The following ARID4B variants were observed in gnomAD, a reference collection of about 807,000 sequenced individuals.
The protein encoded by ARID4B is AT-rich interactive domain-containing protein 4B.
In ARID4B, 26 loss-of-function variants were observed where a neutral mutation model predicts 147.5. The ratio of observed to expected loss-of-function variants is 0.18; its 90% CI spans 0.13 to 0.24. ARID4B has a LOEUF of 0.24. Among genes scored for constraint, ARID4B ranks in the 10% least tolerant of loss-of-function variants. The pLI, the probability that ARID4B is intolerant of heterozygous loss-of-function variation, is 1.00. For synonymous variants in ARID4B, 512 were observed against 507.9 expected, an observed-to-expected ratio of 1.01 and a Z score of -0.11; for missense variants, 1,179 against 1,511.5, an observed-to-expected ratio of 0.78 and a Z score of 3.65.
chr1:235,265,547 A>C (rs968296728), intron 2 of ARID4B, among the ~76,000 whole-genome samples: 2 of 151,832 alleles, frequency 1.3e-5, no homozygotes, highest in African/African-American at 2.4e-5. Context: ...AAAAATACAA[A>C]AATTAGCCAA....
intron 21 of ARID4B, 94 bp from the exon 22 acceptor site, chr1:235,175,493 A>C (rs868028840): frequency 1.9e-6 from 2 of 1,030,640 alleles, no homozygotes; most frequent in Middle Eastern, 2.7e-4. Context: ...ATTTGAATTT[A>C]GTCCTACAGA....
chr1:235,251,031 G>A lies in ARID4B; in HGVS notation c.354+1699C>T, dbSNP rs187479214. Among the ~76,000 whole-genome samples, 121 of 152,172 alleles carry A rather than the reference G, an allele frequency of 8.0e-4. 1 individual carries two copies. Among genetic ancestry groups the A allele is most frequent in the Non-Finnish European group, 7.4e-5 (5 of 68,008 alleles). On this transcript the variant is annotated intron_variant, in intron 6 of 23. Coordinates refer to ENST00000264183, the MANE Select transcript of ARID4B (RefSeq NM_016374.6). ...ATTCCACGAACTCAGGGAGAATTCTGTACTTTATCACTATACTTGCCCCAA... is the reference window on the plus strand; with the variant it reads ...ATTCCACGAACTCAGGGAGAATTCTATACTTTATCACTATACTTGCCCCAA...
intron 7 of ARID4B, among the ~76,000 whole-genome samples, chr1:235,244,121 T>C (rs1669154550): frequency 6.6e-6 from 1 of 152,284 alleles, no homozygotes. Flanking sequence ...AGGCCTGTAT[T>C]TAAATAGCAA....
At chr1:235,220,234 G>T (rs1427010743) in intron 15 of ARID4B, 68 bp downstream of exon 15, 2 of 1,378,110 alleles carry the variant, frequency 1.5e-6, no homozygotes, top group African/African-American at 1.4e-5. Flanking sequence ...TATTGATTTT[G>T]GAACTTTATA....
At chr1:235,223,614 C>CTT (rs1281344073) in intron 12 of ARID4B, among the ~76,000 whole-genome samples, 1 of 148,694 alleles carries the variant, frequency 6.7e-6, no homozygotes, top group African/African-American at 2.5e-5. Flanking sequence ...ATAAGAGTTA[C>CTT]TTTTATGGCA....
chr1:235,229,809 A>C (rs1056700247), intron 10 of ARID4B, among the ~76,000 whole-genome samples: 1 of 152,236 alleles, frequency 6.6e-6, no homozygotes, highest in Non-Finnish European at 1.5e-5. Flanking sequence ...CTGACCACAC[A>C]TGATTTTTAC....
At chr1:235,309,786 G>C (rs1478621949) in intron 2 of ARID4B, among the ~76,000 whole-genome samples, 5 of 152,220 alleles carry the variant, frequency 3.3e-5, no homozygotes, top group Admixed American at 2.0e-4. Flanking sequence ...TGTCTGTGTA[G>C]AAAGAAGTAG....
At chr1:235,247,825 C>T (rs1669396382) in intron 6 of ARID4B, among the ~76,000 whole-genome samples, 2 of 151,948 alleles carry the variant, frequency 1.3e-5, no homozygotes, top group Admixed American at 1.3e-4. Context: ...CCCGTCTCTA[C>T]TAAAAATACA....
At chr1:235,237,179 C>T (rs1198595146) in intron 8 of ARID4B, among the ~76,000 whole-genome samples, 5 of 151,726 alleles carry the variant, frequency 3.3e-5, no homozygotes, top group Admixed American at 6.6e-5. Context: ...GGCCTTAAAA[C>T]ATACTTTCAA....
At chr1:235,224,119 T>C (rs1359235530) in intron 12 of ARID4B, among the ~76,000 whole-genome samples, 2 of 152,206 alleles carry the variant, frequency 1.3e-5, no homozygotes, top group African/African-American at 2.4e-5. Flanking sequence ...CAGAGTATTG[T>C]GGTGTTTCCA....
chr1:235,276,546 T>C (rs1283086280), intron 2 of ARID4B, among the ~76,000 whole-genome samples: 1 of 152,158 alleles, frequency 6.6e-6, no homozygotes, highest in Non-Finnish European at 1.5e-5. Flanking sequence ...TCTGTAGTCC[T>C]AGCTACTTGT....
chr1:235,310,145 C>G (rs1013212561), intron 2 of ARID4B, among the ~76,000 whole-genome samples: 3 of 151,722 alleles, frequency 2.0e-5, no homozygotes, highest in Non-Finnish European at 4.4e-5. Context: ...CCAAATCCCC[C>G]TCTGTGAGAA....
intron 23 of ARID4B, among the ~76,000 whole-genome samples, chr1:235,171,602 A>T (rs1007029253): frequency 6.6e-6 from 1 of 152,006 alleles, no homozygotes; most frequent in East Asian, 1.9e-4. Context: ...TGTGGTGACT[A>T]TATTTACAAA....
intron 17 of ARID4B, among the ~76,000 whole-genome samples, chr1:235,209,563 G>GTTTTTTTTTTTTTTTT (rs374681138): frequency 7.3e-6 from 1 of 137,158 alleles, no homozygotes. Context: ...TTTGTTTTTT[G>GTTTTTTTTTTTTTTTT]TTTTGTTTTT....
chr1:235,238,443 G>A lies in ARID4B; in HGVS notation c.585+1870C>T, dbSNP rs139686559. On this transcript the variant is annotated intron_variant, in intron 8 of 23. Coordinates refer to ENST00000264183, the MANE Select transcript of ARID4B (RefSeq NM_016374.6). ...ATAATTTTGACCCATTCTGTCTCTC[G>A]ATATTTGAGAACAAATTAGTTGTCA... Among the ~76,000 whole-genome samples, 398 of 152,286 alleles carry A rather than the reference G, an allele frequency of 2.6e-3. 2 individuals carry two copies. The highest frequency in any genetic ancestry group is 0.024 in the Middle Eastern group (7 of 294).
At chr1:235,290,648 C>A (rs778198351) in intron 2 of ARID4B, among the ~76,000 whole-genome samples, 20 of 152,162 alleles carry the variant, frequency 1.3e-4, no homozygotes, top group Non-Finnish European at 2.8e-4. Flanking sequence ...ATACATCTGT[C>A]CTATACAGAA....
chr1:235,309,540 GGA>G, intron 2 of ARID4B, among the ~76,000 whole-genome samples: 1 of 150,350 alleles, frequency 6.7e-6, no homozygotes, highest in Middle Eastern at 3.5e-3. Context: ...GCCCCGTCCG[GGA>G]GGGAGGTGGG....
intron 14 of ARID4B, among the ~76,000 whole-genome samples, 170 bp from the exon 15 acceptor site, chr1:235,220,715 T>C (rs961355923): frequency 6.6e-6 from 1 of 152,192 alleles, no homozygotes; most frequent in African/African-American, 2.4e-5. Context: ...AAAAAAAATT[T>C]TGTCAAAAAA....
chr1:235,302,153 G>GAAAAAAAAAAA (rs749154889), intron 2 of ARID4B, among the ~76,000 whole-genome samples: 2 of 30,656 alleles, frequency 6.5e-5, no homozygotes, highest in African/African-American at 1.3e-4. Context: ...TCAAAAAACG[G>GAAAAAAAAAAA]AAAAAAAAAA....
Sources: gnomAD v4.1 joint callset for allele counts (sites outside exome capture counted in the v4.1 genomes callset) on GRCh38, gnomAD v4.1.1 for gene constraint, MANE v1.5 for transcripts, NCBI Gene and HGNC (gene_info 2026-07-23, HGNC 2026-07-21) for gene names.